Variants in OR6N1 observed in about 807,000 individuals in gnomAD.
OR6N1 encodes olfactory receptor 6N1.
For missense variants in OR6N1, 394 were observed against 371.7 expected, an observed-to-expected ratio of 1.06 and a Z score of -0.49; for synonymous variants, 170 against 150.7, an observed-to-expected ratio of 1.13 and a Z score of -0.94.
At chr1:158,793,347 G>A in the OR6N1 span, among the ~76,000 whole-genome samples, 1 of 151,902 alleles carries the variant, frequency 6.6e-6, no homozygotes, top group Non-Finnish European at 1.5e-5. Context: ...ATAGAAATCT[G>A]TTTTTTTATA....
the OR6N1 span, among the ~76,000 whole-genome samples, chr1:158,795,259 G>C: frequency 2.0e-5 from 3 of 152,166 alleles, no homozygotes; most frequent in Non-Finnish European, 4.4e-5. Context: ...TTTGCTGGCA[G>C]CAGCTAGCTG....
upstream of OR6N1, among the ~76,000 whole-genome samples, chr1:158,774,016 T>A (rs1657493473): frequency 6.6e-6 from 1 of 152,220 alleles, no homozygotes; most frequent in African/African-American, 2.4e-5. Flanking sequence ...AGCTATTGGT[T>A]CCACAGAATT....
the OR6N1 span, among the ~76,000 whole-genome samples, chr1:158,823,488 T>A: frequency 6.6e-6 from 1 of 152,188 alleles, no homozygotes; most frequent in South Asian, 2.1e-4. Flanking sequence ...TTTTCTAGTT[T>A]GTGTGCATAA....
the OR6N1 span, among the ~76,000 whole-genome samples, chr1:158,798,993 A>G: frequency 6.6e-6 from 1 of 152,174 alleles, no homozygotes; most frequent in East Asian, 1.9e-4. Context: ...AGTCCCACCA[A>G]TTGGAGTAGA....
chr1:158,773,513 C>T (rs974961765), upstream of OR6N1, among the ~76,000 whole-genome samples: 11 of 152,248 alleles, frequency 7.2e-5, no homozygotes, highest in African/African-American at 2.6e-4. Flanking sequence ...AAATGATATT[C>T]TGTCTCTATA....
the OR6N1 span, among the ~76,000 whole-genome samples, chr1:158,801,697 T>C: frequency 6.6e-6 from 1 of 152,166 alleles, no homozygotes; most frequent in African/African-American, 2.4e-5. Context: ...ACCCTGGTAG[T>C]CTGTGGATCT....
chr1:158,767,935 A>G (rs374125599), intron 1 of OR6N1, among the ~76,000 whole-genome samples: 1 of 152,072 alleles, frequency 6.6e-6, no homozygotes, highest in South Asian at 2.1e-4. Context: ...CCTGGATCCA[A>G]TGGTCATTTC....
the OR6N1 span, among the ~76,000 whole-genome samples, chr1:158,796,991 G>A: frequency 1.7e-3 from 255 of 152,044 alleles, no homozygotes; most frequent in Non-Finnish European, 3.0e-3. Context: ...CAGGATGGGG[G>A]AGGTCCCAAA....
the OR6N1 span, among the ~76,000 whole-genome samples, chr1:158,817,244 C>T: frequency 4.6e-5 from 7 of 152,262 alleles, no homozygotes; most frequent in African/African-American, 7.2e-5. Context: ...GACTCAACTC[C>T]GTGACCTGCC....
chr1:158,808,900 C>T, the OR6N1 span: 2 of 152,620 alleles, frequency 1.3e-5, no homozygotes, highest in Non-Finnish European at 2.9e-5. Flanking sequence ...CCCAACTGGC[C>T]CCAGCTAGTC....
upstream of OR6N1, chr1:158,775,581 A>G (rs1025486819): frequency 6.6e-6 from 1 of 152,228 alleles, no homozygotes; most frequent in Non-Finnish European, 1.5e-5. Context: ...ACATTACTTT[A>G]TATTTTATGT....
At chr1:158,775,278 G>T (rs1050035586), upstream of OR6N1, 2 of 152,186 alleles carry the variant, frequency 1.3e-5, no homozygotes, top group African/African-American at 2.4e-5. Flanking sequence ...TATTTGAACA[G>T]AAAATCACAC....
intron 1 of OR6N1, among the ~76,000 whole-genome samples, chr1:158,769,693 T>C (rs567476950): frequency 7.9e-5 from 12 of 152,318 alleles, no homozygotes; most frequent in Middle Eastern, 3.4e-3. Context: ...CTTGGCATTT[T>C]TCTAAACCTA....
chr1:158,797,428 C>T, the OR6N1 span, among the ~76,000 whole-genome samples: 1 of 152,234 alleles, frequency 6.6e-6, no homozygotes, highest in Non-Finnish European at 1.5e-5. Flanking sequence ...AGCGTTTTTA[C>T]TTCTCTGCAA....
the OR6N1 span, among the ~76,000 whole-genome samples, chr1:158,816,879 G>C: frequency 6.6e-5 from 10 of 152,190 alleles, no homozygotes; most frequent in African/African-American, 2.4e-4. Flanking sequence ...AGATGGAAGG[G>C]ATGTAAGCAG....
the OR6N1 span, among the ~76,000 whole-genome samples, chr1:158,830,002 T>C: frequency 6.6e-6 from 1 of 152,222 alleles, no homozygotes; most frequent in African/African-American, 2.4e-5. Flanking sequence ...GGGAAAGATC[T>C]GCCCCCATAA....
chr1:158,777,414 T>A, the OR6N1 span: 1 of 1,613,908 alleles, frequency 6.2e-7, no homozygotes, highest in South Asian at 1.1e-5. Context: ...TAGTGGTAGC[T>A]GTATACCACA....
At chr1:158,787,303 C>T in the OR6N1 span, among the ~76,000 whole-genome samples, 3 of 152,074 alleles carry the variant, frequency 2.0e-5, no homozygotes, top group South Asian at 6.2e-4. Flanking sequence ...GCATCCTATA[C>T]AGCCTGCAGA....
In OR6N1 at chr1:158,766,148, A is replaced by C; in HGVS notation, c.535T>G (p.Cys179Gly). ...AAACTCAGCACAGGAGGGAAGTCAC[A>C]AAAGACGTGCTGAATGCGATTGGGG... is the stretch of plus-strand genomic sequence containing the variant. Reference protein sequence around the residue: ...CGPNRIQHVFCDFPPVLSLAC... With the variant: ...CGPNRIQHVFGDFPPVLSLAC... The change falls in exon 2 of 2, where the codon TGT becomes GGT. Residue 179 changes from cysteine (C) to glycine (G), a missense_variant. Cys to Gly is a radical substitution (Grantham distance 159). Coordinates refer to ENST00000641846, the MANE Select transcript of OR6N1 (RefSeq NM_001005185.2). 1.2e-6 allele frequency: 2 copies of C among 1,614,190 alleles called. No homozygotes were observed. The highest frequency in any genetic ancestry group is 1.7e-5 in the Admixed American group (1 of 60,032).
Sources: allele counts gnomAD v4.1 joint callset (sites outside exome capture counted in the v4.1 genomes callset), GRCh38; gene constraint gnomAD v4.1.1; transcripts MANE v1.5; gene names NCBI Gene and HGNC (gene_info 2026-07-23, HGNC 2026-07-21).